The following LINGO1 variants were observed in gnomAD, a reference collection of about 807,000 sequenced individuals.
LINGO1 encodes leucine-rich repeat and immunoglobulin-like domain-containing nogo receptor-interacting protein 1.
In LINGO1, 11 loss-of-function variants were observed where a neutral mutation model predicts 37.3. The ratio of observed to expected loss-of-function variants is 0.29; its 90% CI spans 0.19 to 0.49. The LOEUF (loss-of-function observed/expected upper bound fraction) is 0.49, where lower values mean the gene tolerates loss of function less well. Among genes scored for constraint, LINGO1 ranks in the 20% least tolerant of loss-of-function variants. The pLI is 0.99. For synonymous variants in LINGO1, 387 were observed against 403.0 expected (o/e 0.96, Z 0.48); for missense variants, 585 against 878.2 (o/e 0.67, Z 4.22).
intron 3 of LINGO1, among the ~76,000 whole-genome samples, chr15:77,643,450 G>A (rs1188100483): frequency 6.6e-6 from 1 of 152,222 alleles, no homozygotes; most frequent in East Asian, 1.9e-4. Context: ...GCAATGGTCC[G>A]GTTACAGGGA....
At chr15:77,681,762 G>C (rs1309816533) in intron 2 of LINGO1, among the ~76,000 whole-genome samples, 1 of 152,104 alleles carries the variant, frequency 6.6e-6, no homozygotes, top group Non-Finnish European at 1.5e-5. Context: ...CAGGTGGAGG[G>C]AGGGTGGAAG....
chr15:77,702,882 ACTT>A (rs1473575231), intron 2 of LINGO1, among the ~76,000 whole-genome samples: 1 of 151,972 alleles, frequency 6.6e-6, no homozygotes, highest in Non-Finnish European at 1.5e-5. Context: ...GCTCCCTAAT[ACTT>A]CTTCTGACTT....
rs147332472 is a variant in LINGO1, at chr15:77,661,090, C to T, written c.-13+15999G>A. Among the ~76,000 whole-genome samples the T allele has an allele frequency of 2.1e-4, 32 of 149,798 alleles. No individual in the cohort carries two copies. In the East Asian group the frequency reaches 2.6e-3, roughly 12 times the overall value. On this transcript the variant is annotated intron_variant, in intron 3 of 3. Coordinates refer to the LINGO1 transcript ENST00000559893. Reference sequence around the variant, plus strand: ...ATTGCAATGCTGGGCAAAGGCGAGCCGATTTTCAAACTGGCCTGGGTGGGC... The same window carrying T: ...ATTGCAATGCTGGGCAAAGGCGAGCTGATTTTCAAACTGGCCTGGGTGGGC...
chr15:77,789,483 G>C (rs758115113), upstream of LINGO1, among the ~76,000 whole-genome samples: 3 of 152,046 alleles, frequency 2.0e-5, no homozygotes, highest in Non-Finnish European at 4.4e-5. Flanking sequence ...GGCGCATGCC[G>C]GTAGTCCCAG....
intron 1 of LINGO1, among the ~76,000 whole-genome samples, chr15:77,800,408 G>C (rs1340048195): frequency 6.6e-6 from 1 of 152,204 alleles, no homozygotes; most frequent in South Asian, 2.1e-4. Flanking sequence ...GAGAGAGACA[G>C]AGCAGCAGTG....
At chr15:77,641,732 G>C (rs1486299105) in intron 3 of LINGO1, 2 of 400,898 alleles carry the variant, frequency 5.0e-6, no homozygotes, top group Non-Finnish European at 1.0e-5. Flanking sequence ...GTGGTGCTGG[G>C]AGAGAGAAGA....
intron 3 of LINGO1, among the ~76,000 whole-genome samples, chr15:77,649,771 GC>G (rs777448500): frequency 1.3e-5 from 2 of 152,012 alleles, no homozygotes; most frequent in African/African-American, 4.8e-5. Flanking sequence ...CCCACAGCCT[GC>G]CCCCCCGAGT....
At chr15:77,617,933 C>T (rs958772992) in intron 1 of LINGO1, among the ~76,000 whole-genome samples, 3 of 152,210 alleles carry the variant, frequency 2.0e-5, no homozygotes, top group African/African-American at 7.2e-5. Context: ...ACCCTCCCTT[C>T]AGCCCCTCTC....
At chr15:77,794,277 CATATATATATATGT>C (rs2076840110) in intron 2 of LINGO1, among the ~76,000 whole-genome samples, 1 of 105,788 alleles carries the variant, frequency 9.5e-6, no homozygotes, top group African/African-American at 3.5e-5. Context: ...GAAACATATA[CATATATATATATGT>C]ATGTATATAT....
chr15:77,809,821 A>G (rs1226941062), intron 1 of LINGO1, among the ~76,000 whole-genome samples: 1 of 152,158 alleles, frequency 6.6e-6, no homozygotes, highest in Non-Finnish European at 1.5e-5. Flanking sequence ...AGGTGGCAAC[A>G]TGCCCCTGTC....
intron 2 of LINGO1, among the ~76,000 whole-genome samples, chr15:77,711,925 G>T (rs74880134): frequency 6.6e-6 from 1 of 152,026 alleles, no homozygotes; most frequent in Non-Finnish European, 1.5e-5. Context: ...ATTTCTGCTC[G>T]GCCAGGGCAG....
chr15:77,649,415 A>G (rs1316227622), intron 3 of LINGO1, among the ~76,000 whole-genome samples: 1 of 152,236 alleles, frequency 6.6e-6, no homozygotes, highest in African/African-American at 2.4e-5. Context: ...GTACAAATAT[A>G]AGGTTGAGAC....
At chr15:77,756,274 C>T (rs946127866) in intron 1 of LINGO1, among the ~76,000 whole-genome samples, 1 of 152,102 alleles carries the variant, frequency 6.6e-6, no homozygotes, top group Non-Finnish European at 1.5e-5. Flanking sequence ...GTTATGGAGC[C>T]CATAACTCTC....
chr15:77,751,284 A>G (rs1033178631), intron 1 of LINGO1, among the ~76,000 whole-genome samples: 3 of 152,232 alleles, frequency 2.0e-5, no homozygotes, highest in Admixed American at 6.5e-5. Flanking sequence ...TGATCCTTGC[A>G]GGGTGCCTTG....
chr15:77,675,687 T>C (rs2075315623), intron 3 of LINGO1, among the ~76,000 whole-genome samples: 1 of 152,088 alleles, frequency 6.6e-6, no homozygotes, highest in Non-Finnish European at 1.5e-5. Flanking sequence ...GAGAGATAGA[T>C]GGATAGACGG....
At chr15:77,648,261 G>A (rs939728114) in intron 3 of LINGO1, 6 of 210,444 alleles carry the variant, frequency 2.9e-5, no homozygotes, top group African/African-American at 1.4e-4. Context: ...CACTTCACAT[G>A]CGGTGAACCT....
intron 1 of LINGO1, among the ~76,000 whole-genome samples, chr15:77,742,750 T>C (rs2076277000): frequency 6.6e-6 from 1 of 152,222 alleles, no homozygotes; most frequent in African/African-American, 2.4e-5. Context: ...ACTGGTGTGC[T>C]GTCCAGGGAG....
At chr15:77,635,767 TC>T (rs1292321072), upstream of LINGO1, among the ~76,000 whole-genome samples, 2 of 146,190 alleles carry the variant, frequency 1.4e-5, no homozygotes, top group Admixed American at 6.6e-5. Flanking sequence ...CCAAATCTTT[TC>T]CCTCTATCCT....
At chr15:77,617,674 T>C (rs540841823) in intron 1 of LINGO1, among the ~76,000 whole-genome samples, 10 of 152,360 alleles carry the variant, frequency 6.6e-5, no homozygotes, top group Admixed American at 5.9e-4. Flanking sequence ...TTAAGGCAAC[T>C]GAGGCTCACA....
Sources: allele counts gnomAD v4.1 joint callset (sites outside exome capture counted in the v4.1 genomes callset), GRCh38; gene constraint gnomAD v4.1.1; transcripts MANE v1.5; gene names NCBI Gene and HGNC (gene_info 2026-07-23, HGNC 2026-07-21).